SLC7A9: variants seen among roughly 807,000 people sequenced by gnomAD.
The protein encoded by SLC7A9 is solute carrier family 7 member 9, also known as B(0,+)-type amino acid transporter 1.
SLC7A9 carries 38 observed loss-of-function variants against 54.1 expected under a neutral mutation model. The ratio of observed to expected loss-of-function variants is 0.70; its 90% CI spans 0.54 to 0.92. The LOEUF (loss-of-function observed/expected upper bound fraction) is 0.92. SLC7A9 is among the 40% of genes least tolerant of loss of function. The probability of loss-of-function intolerance (pLI) is 0.00; values close to 1 mark genes in which losing one functional copy is unlikely to be tolerated. For missense variants in SLC7A9, 537 were observed against 636.1 expected (o/e 0.84, Z 1.68); for synonymous variants, 264 against 258.9 (o/e 1.02, Z -0.19).
In SLC7A9 at chr19:32,864,287, TCTCCCCCTGACTTGGTGATCATTGTGC is replaced by T. The variant is rs776095376; in HGVS notation, c.260_286del (p.Gly87_Gly95del). The T allele has an allele frequency of 1.9e-6, 3 of 1,614,024 alleles. No homozygotes were observed. The highest frequency in any genetic ancestry group is 2.5e-6 in the Non-Finnish European group (3 of 1,179,994). ...GTAGGCCTCCATCAGGTAGGGATACTCTCCCCCTGACTTGGTGATCATTGTGCCAAGCTCCGCAAAGCACAGGGCACC... is the reference window on the plus strand; with the variant it reads ...GTAGGCCTCCATCAGGTAGGGATACTCAAGCTCCGCAAAGCACAGGGCACC... On this transcript the variant is annotated inframe_deletion, in exon 4 of 13. Transcript: ENST00000023064.
intron 10 of SLC7A9, among the ~76,000 whole-genome samples, chr19:32,843,105 G>A (rs761157757): frequency 1.8e-4 from 27 of 152,154 alleles, no homozygotes; most frequent in Non-Finnish European, 3.4e-4. Context: ...GTTTATCAGT[G>A]CCCAGAACAG....
intron 11 of SLC7A9, among the ~76,000 whole-genome samples, chr19:32,837,679 G>C (rs1483410451): frequency 1.3e-5 from 2 of 152,028 alleles, no homozygotes; most frequent in African/African-American, 4.8e-5. Flanking sequence ...GCAATAACAT[G>C]GTCTCGCAAG....
At chr19:32,838,493 A>T (rs1968028802) in intron 11 of SLC7A9, among the ~76,000 whole-genome samples, 1 of 148,290 alleles carries the variant, frequency 6.7e-6, no homozygotes, top group South Asian at 2.1e-4. Context: ...CAATCTATAC[A>T]TATATAATAG....
intron 11 of SLC7A9, among the ~76,000 whole-genome samples, chr19:32,837,684 C>T (rs971691280): frequency 1.3e-5 from 2 of 152,064 alleles, no homozygotes; most frequent in African/African-American, 2.4e-5. Flanking sequence ...AACATGGTCT[C>T]GCAAGACGTG....
chr19:32,859,052 G>A (rs1441219049), intron 8 of SLC7A9, among the ~76,000 whole-genome samples: 2 of 151,788 alleles, frequency 1.3e-5, no homozygotes, highest in Non-Finnish European at 2.9e-5. Flanking sequence ...CTCCCAAAGT[G>A]CTGGGATTAC....
chr19:32,857,092 G>T (rs568288324), intron 9 of SLC7A9, among the ~76,000 whole-genome samples: 91 of 152,050 alleles, frequency 6.0e-4, no homozygotes, highest in Non-Finnish European at 1.2e-3. Flanking sequence ...GGAGACTGCA[G>T]TGAGGCGAGA....
In SLC7A9 at chr19:32,834,545, G is replaced by T. The variant is rs148623016; in HGVS notation, c.1225-1222C>A. Among the ~76,000 whole-genome samples the T allele has an allele frequency of 4.4e-3, 671 of 152,086 alleles. 5 individuals are homozygous for T. Among genetic ancestry groups the T allele is most frequent in the African/African-American group, 0.015 (637 of 41,514 alleles). On this transcript the variant is annotated intron_variant, in intron 11 of 12. Transcript: ENST00000023064. The stretch of plus-strand genomic sequence containing the variant: ...CTTGGGAAGCTGAAGCAGGAGAGTC[G>T]CTTGAACCCGGGAGGCGGAGGCTGC...
intron 9 of SLC7A9, among the ~76,000 whole-genome samples, chr19:32,855,701 CA>C (rs113279936): frequency 1.2e-4 from 17 of 145,144 alleles, no homozygotes; most frequent in Middle Eastern, 3.5e-3. Flanking sequence ...GACTCCGTCT[CA>C]AAAAAAAAAA....
chr19:32,834,322 A>G (rs1201936908), intron 11 of SLC7A9, among the ~76,000 whole-genome samples: 1 of 152,128 alleles, frequency 6.6e-6, no homozygotes, highest in Non-Finnish European at 1.5e-5. Context: ...TTAGCAGGAA[A>G]TGGCATTTAA....
intron 7 of SLC7A9, 106 bp from the exon 8 acceptor site, chr19:32,860,070 A>G: frequency 6.3e-7 from 1 of 1,597,638 alleles, no homozygotes; most frequent in Non-Finnish European, 8.5e-7. Context: ...CAGGTAGCAG[A>G]GGCCCAGCAG....
intron 11 of SLC7A9, 62 bp downstream of exon 11, chr19:32,842,106 G>T: frequency 6.6e-7 from 1 of 1,518,910 alleles, no homozygotes; most frequent in Non-Finnish European, 9.1e-7. Flanking sequence ...GCATTTGAAA[G>T]AGTTACATCT....
At chr19:32,835,010 G>A (rs191721093) in intron 11 of SLC7A9, among the ~76,000 whole-genome samples, 16 of 152,122 alleles carry the variant, frequency 1.1e-4, no homozygotes, top group African/African-American at 3.4e-4. Flanking sequence ...GGCTGGTCTC[G>A]AACTCCTGAC....
At chr19:32,862,054 G>A (rs1419058894) in intron 6 of SLC7A9, 64 bp downstream of exon 6, 7 of 985,518 alleles carry the variant, frequency 7.1e-6, no homozygotes, top group African/African-American at 6.4e-5. Context: ...CATGACAGGT[G>A]GAGTTAAAGT....
At chr19:32,843,727 CT>C (rs1225816378) in intron 10 of SLC7A9, 127 bp downstream of exon 10, 4 of 713,974 alleles carry the variant, frequency 5.6e-6, no homozygotes, top group Non-Finnish European at 1.0e-5. Context: ...TGTCCTGGGA[CT>C]CTTTCTATAT....
At chr19:32,844,116 G>A (rs1296721953) in intron 9 of SLC7A9, among the ~76,000 whole-genome samples, 165 bp from the exon 10 acceptor site, 1 of 152,124 alleles carries the variant, frequency 6.6e-6, no homozygotes, top group Non-Finnish European at 1.5e-5. Flanking sequence ...CGGGAGACGA[G>A]TGGGTTTTGG....
intron 11 of SLC7A9, among the ~76,000 whole-genome samples, chr19:32,840,796 C>T (rs759218635): frequency 1.3e-5 from 2 of 152,172 alleles, no homozygotes; most frequent in African/African-American, 2.4e-5. Context: ...CTGATCTTCC[C>T]ACTGAGAACC....
chr19:32,833,447 A>C lies in SLC7A9; in HGVS notation c.1225-124T>G. 10 of 950,818 alleles carry C rather than the reference A, an allele frequency of 1.1e-5. No individual in the cohort carries two copies. In the South Asian group the frequency reaches 1.4e-4, roughly 14 times the overall value. The allele number at this position is 950,818 out of a possible 1,614,324, so 58.9% of individuals were successfully genotyped here. On this transcript the variant is annotated intron_variant, in intron 11 of 12. Coordinates refer to ENST00000023064, the MANE Select transcript of SLC7A9 (RefSeq NM_014270.5). ...CCCTCCTCCAATTTCAATCATTTTA[A>C]TGTAATTTTGCCAATCTTATTTCAT...
intron 6 of SLC7A9, among the ~76,000 whole-genome samples, chr19:32,861,659 T>A (rs1294136103): frequency 2.0e-5 from 3 of 151,756 alleles, no homozygotes; most frequent in African/African-American, 7.3e-5. Context: ...AGCATAAAAA[T>A]AAAAAATTAT....
chr19:32,866,167 C>T (rs1968965616), intron 2 of SLC7A9, among the ~76,000 whole-genome samples: 1 of 152,132 alleles, frequency 6.6e-6, no homozygotes, highest in African/African-American at 2.4e-5. Flanking sequence ...GGATGAGGGG[C>T]TCCCAGCTGC....
Sources: gnomAD v4.1 joint callset for allele counts (sites outside exome capture counted in the v4.1 genomes callset) on GRCh38, gnomAD v4.1.1 for gene constraint, MANE v1.5 for transcripts, NCBI Gene and HGNC (gene_info 2026-07-23, HGNC 2026-07-21) for gene names.